Variants in MPHOSPH9 observed in about 807,000 individuals in gnomAD.
MPHOSPH9 encodes the protein M-phase phosphoprotein 9.
MPHOSPH9 carries 88 observed loss-of-function variants against 145.5 expected under a neutral mutation model. The observed-to-expected ratio is 0.60, with a 90% CI of 0.51 to 0.72. MPHOSPH9 has a LOEUF of 0.72. Ranked by LOEUF, MPHOSPH9 falls within the 30% of genes least tolerant of loss-of-function variation. MPHOSPH9 has a pLI of 0.00. For missense variants in MPHOSPH9, 1,238 were observed against 1,386.6 expected, an observed-to-expected ratio of 0.89 and a Z score of 1.70; for synonymous variants, 435 against 486.2, an observed-to-expected ratio of 0.89 and a Z score of 1.39.
intron 1 of MPHOSPH9, among the ~76,000 whole-genome samples, chr12:123,239,534 C>G (rs896988942): frequency 2.0e-5 from 3 of 152,124 alleles, no homozygotes; most frequent in African/African-American, 7.2e-5. Flanking sequence ...TCCCAAGTAG[C>G]TGGGACTACA....
rs1216842044 is a variant in MPHOSPH9, at chr12:123,223,106, T to G, written c.280A>C (p.Asn94His). The G allele has an allele frequency of 6.8e-7, 1 of 1,469,276 alleles. No individual in the cohort carries two copies. Among genetic ancestry groups the G allele is most frequent in the Non-Finnish European group, 8.9e-7 (1 of 1,119,396 alleles). 91.0% of individuals were successfully genotyped at this position (1,469,276 alleles called of 1,614,324 possible). Residue 94 changes from asparagine (N) to histidine (H), a missense_variant, in exon 4 of 24, where the codon AAT becomes CAT. Asn to His is a moderately conservative substitution (Grantham distance 68). This residue lies in a region of MPHOSPH9 where 837 missense variants were observed against 897.5 expected (regional missense o/e 0.93). Coordinates refer to ENST00000606320, the MANE Select transcript of MPHOSPH9 (RefSeq NM_022782.4). The stretch of plus-strand genomic sequence containing the variant: ...TCTTGGCATTGTTTTTCCACCAAAT[T>G]GAATAGCTGTAACCACCTGGTCTAT... ...NCETRWLQLFNLVEKQCQEQI... is the reference protein window; with the variant it reads ...NCETRWLQLFHLVEKQCQEQI...
chr12:123,181,143 C>T lies in MPHOSPH9; in HGVS notation c.2289+20G>A, dbSNP rs1043483044. On this transcript the variant is annotated intron_variant, in intron 14 of 23. Coordinates refer to ENST00000606320, the MANE Select transcript of MPHOSPH9 (RefSeq NM_022782.4). ...TTCTGCCTCTGCATGAAATCTAGAA[C>T]ATGAACCATTACCCCTTACCTTTAC... 6.3e-7 allele frequency: 1 copy of T among 1,595,052 alleles called. No individual in the cohort carries two copies. The highest frequency in any genetic ancestry group is 8.6e-7 in the Non-Finnish European group (1 of 1,162,626).
chr12:123,207,679 C>A (rs1459889230), intron 8 of MPHOSPH9, among the ~76,000 whole-genome samples: 5 of 151,866 alleles, frequency 3.3e-5, no homozygotes, highest in Non-Finnish European at 5.9e-5. Context: ...CATGGTGAAA[C>A]CCTGTCTCTA....
At chr12:123,165,973 G>A (rs2044300916) in intron 17 of MPHOSPH9, among the ~76,000 whole-genome samples, 1 of 152,210 alleles carries the variant, frequency 6.6e-6, no homozygotes, top group Non-Finnish European at 1.5e-5. Context: ...CCTGCATACA[G>A]TGCTTTCCCA....
At chr12:123,226,675 C>CTGGA (rs1326961211) in intron 3 of MPHOSPH9, among the ~76,000 whole-genome samples, 1 of 151,964 alleles carries the variant, frequency 6.6e-6, no homozygotes. Flanking sequence ...GTCACCCAGG[C>CTGGA]TGGAGTGTAG....
At chr12:123,207,146 TAAAAAAAAAA>T (rs35392378) in intron 8 of MPHOSPH9, among the ~76,000 whole-genome samples, 1 of 114,582 alleles carries the variant, frequency 8.7e-6, no homozygotes. Flanking sequence ...CTAAAGTGGT[TAAAAAAAAAA>T]AAAAAAAAAA....
At chr12:123,211,607 C>T (rs1036503295) in intron 7 of MPHOSPH9, among the ~76,000 whole-genome samples, 5 of 151,906 alleles carry the variant, frequency 3.3e-5, no homozygotes, top group Admixed American at 6.6e-5. Context: ...CCACCCTCCT[C>T]GGCCTCCCAA....
In MPHOSPH9 at chr12:123,194,043, CGGATCACCTGA is replaced by C. The variant is rs1325845135; in HGVS notation, c.2241+332_2241+342del. Among the ~76,000 whole-genome samples, 6 of 151,862 alleles carry C rather than the reference CGGATCACCTGA, an allele frequency of 4.0e-5. No homozygotes were observed. The East Asian group carries it at 1.2e-3, about 29-fold the overall frequency. ...CAGGACTTTGGGAGGCTGAGGCGGG[CGGATCACCTGA>C]GGTCAGGAGTTCGAGACCAGCCAGG... On this transcript the variant is annotated intron_variant, in intron 13 of 23. Coordinates refer to ENST00000606320, the MANE Select transcript of MPHOSPH9 (RefSeq NM_022782.4).
At chr12:123,212,476 G>A (rs536130164) in intron 7 of MPHOSPH9, among the ~76,000 whole-genome samples, 6 of 152,124 alleles carry the variant, frequency 3.9e-5, no homozygotes, top group African/African-American at 1.4e-4. Context: ...GATCACCTGA[G>A]GTGGGCAGAT....
upstream of MPHOSPH9, among the ~76,000 whole-genome samples, chr12:123,234,741 TTTAAA>T (rs1335952593): frequency 3.3e-5 from 5 of 152,214 alleles, no homozygotes; most frequent in Admixed American, 2.6e-4. Context: ...TTCATGATTT[TTTAAA>T]TTATATTACA....
intron 8 of MPHOSPH9, among the ~76,000 whole-genome samples, chr12:123,209,314 T>G (rs1278259172): frequency 6.6e-6 from 1 of 152,244 alleles, no homozygotes; most frequent in East Asian, 1.9e-4. Flanking sequence ...GTGAGTATGA[T>G]TCTAAAGCCC....
At chr12:123,177,763 T>C (rs745891150) in intron 15 of MPHOSPH9, among the ~76,000 whole-genome samples, 9 of 151,680 alleles carry the variant, frequency 5.9e-5, no homozygotes, top group Admixed American at 1.3e-4. Flanking sequence ...TTAATCCTAA[T>C]ATGTATATAA....
chr12:123,164,124 C>T lies in MPHOSPH9; in HGVS notation c.2768-34G>A, dbSNP rs773832814. The T allele has an allele frequency of 1.0e-4, 164 of 1,612,806 alleles. 1 individual carries two copies. The highest frequency in any genetic ancestry group is 2.0e-4 in the Admixed American group (12 of 59,814). On this transcript the variant is annotated intron_variant, in intron 18 of 23. Coordinates refer to ENST00000606320, the MANE Select transcript of MPHOSPH9 (RefSeq NM_022782.4). ...GACCAAAAAAAAGCAAAACAAAAAA[C>T]AAATCAAAACAAGCCTACGCTTCAG...
intron 8 of MPHOSPH9, 28 bp from the exon 9 acceptor site, chr12:123,203,403 G>C: frequency 6.5e-7 from 1 of 1,546,510 alleles, no homozygotes; most frequent in Non-Finnish European, 8.8e-7. Context: ...AAATTAAATG[G>C]TGTTATCAAT....
At chr12:123,189,762 G>T (rs370339970) in intron 13 of MPHOSPH9, among the ~76,000 whole-genome samples, 1 of 151,698 alleles carries the variant, frequency 6.6e-6, no homozygotes, top group African/African-American at 2.4e-5. Flanking sequence ...GTGAAACCCC[G>T]TCTCTACTAA....
chr12:123,183,253 GAAAC>G (rs1463837951), intron 13 of MPHOSPH9, among the ~76,000 whole-genome samples: 1 of 147,050 alleles, frequency 6.8e-6, no homozygotes, highest in Non-Finnish European at 1.5e-5. Context: ...AAATTGAAAA[GAAAC>G]AAAGTGCTGG....
At position 123,166,975 on chromosome 12, in the gene MPHOSPH9, T is replaced by C. The variant is rs1166788095; in HGVS notation, c.2457-186A>G. On this transcript the variant is annotated intron_variant, in intron 16 of 23. Transcript: ENST00000606320. ...GTTTTATGATTCAACTTAACTGTTG[T>C]TCTAGGTTTCTGTTACTTCTGAATC... 2.0e-5 allele frequency among the ~76,000 whole-genome samples: 3 copies of C among 152,240 alleles called. No individual in the cohort carries two copies. In the East Asian group the frequency reaches 5.8e-4, roughly 29 times the overall value.
intron 13 of MPHOSPH9, among the ~76,000 whole-genome samples, chr12:123,186,838 G>A (rs2045464560): frequency 6.6e-6 from 1 of 152,138 alleles, no homozygotes; most frequent in Non-Finnish European, 1.5e-5. Context: ...GCACGCGCCT[G>A]TAACCCCAGC....
intron 16 of MPHOSPH9, among the ~76,000 whole-genome samples, chr12:123,167,485 T>G (rs2044368683): frequency 6.6e-6 from 1 of 152,162 alleles, no homozygotes; most frequent in Non-Finnish European, 1.5e-5. Flanking sequence ...TCTCCACCAC[T>G]GAGCTAATGC....
Sources: allele counts gnomAD v4.1 joint callset (sites outside exome capture counted in the v4.1 genomes callset), GRCh38; gene constraint gnomAD v4.1.1; regional missense constraint gnomAD v4.1.1; transcripts MANE v1.5; gene names NCBI Gene and HGNC (gene_info 2026-07-23, HGNC 2026-07-21).